The following USP6NL variants were observed in gnomAD, a reference collection of about 807,000 sequenced individuals.
The protein encoded by USP6NL is USP6 N-terminal-like protein.
A neutral mutation model predicts 61.9 loss-of-function variants in USP6NL; 26 were observed. The ratio of observed to expected loss-of-function variants is 0.42; its 90% CI spans 0.31 to 0.58. The LOEUF is 0.58. USP6NL is among the 20% of genes least tolerant of loss of function. The pLI, the probability that USP6NL is intolerant of heterozygous loss-of-function variation, is 0.16. For missense variants in USP6NL, 1,114 were observed against 1,034.3 expected (o/e 1.08, Z -1.06); for synonymous variants, 432 against 390.1 (o/e 1.11, Z -1.27).
rs1223743610 is a variant in USP6NL, at chr10:11,496,887, A to C, written c.385-3659T>G. On this transcript the variant is annotated intron_variant, in intron 7 of 14. Transcript: ENST00000609104. The surrounding 1 kb of genome is among the most constrained non-coding windows in gnomAD (Gnocchi z 5.4). The stretch of plus-strand genomic sequence containing the variant: ...ATTTTTGTGTATTGAAGGTCAGAGA[A>C]GGGGCTTCTGCAGCTTTTTAAAACA... Among the ~76,000 whole-genome samples the C allele has an allele frequency of 6.6e-6, 1 of 152,126 alleles. No homozygotes were observed. The highest frequency in any genetic ancestry group is 1.5e-5 in the Non-Finnish European group (1 of 68,022).
Position 11,537,095 on chromosome 10 carries a change from C to G in USP6NL, c.5-9528G>C, listed in dbSNP as rs140940628. 2.5e-3 allele frequency among the ~76,000 whole-genome samples: 382 copies of G among 151,618 alleles called. 2 individuals carry two copies. The highest frequency in any genetic ancestry group is 8.3e-3 in the African/African-American group (345 of 41,526). ...GTTCCATACATATCTTCATATTCCT[C>G]CAGGTTTTGTTTTTGGGGGATTTTG... is the stretch of plus-strand genomic sequence containing the variant. On this transcript the variant is annotated intron_variant, in intron 2 of 14. Transcript: ENST00000609104. The surrounding 1 kb of genome is among the most constrained non-coding windows in gnomAD (Gnocchi z 5.1).
chr10:11,554,286 G>A (rs905954593), intron 2 of USP6NL, among the ~76,000 whole-genome samples: 4 of 152,148 alleles, frequency 2.6e-5, no homozygotes, highest in Admixed American at 2.6e-4. Flanking sequence ...AAAGCATGAG[G>A]GGCCAAGATC....
At chr10:11,492,870 C>T (rs7916580) in intron 8 of USP6NL, among the ~76,000 whole-genome samples, 82,503 of 151,950 alleles carry the variant, frequency 0.54, 22,951 homozygotes, top group East Asian at 0.88. Context: ...GTATCTACTA[C>T]ATTTCTAAGA....
Position 11,463,698 on chromosome 10 carries a change from C to A in USP6NL, c.1230G>T (p.Arg410Ser). 1 of 1,612,982 alleles carries A rather than the reference C, an allele frequency of 6.2e-7. No individual in the cohort carries two copies. The highest frequency in any genetic ancestry group is 8.5e-7 in the Non-Finnish European group (1 of 1,179,378). ...SGRRESGAPH[R>S]RHEHSPHPQS... ...GGGGGTGCGGGGAGTGCTCGTGCCTCCTGTGGGGCGCCCCGCTCTCCCTCC... is the reference window on the plus strand; with the variant it reads ...GGGGGTGCGGGGAGTGCTCGTGCCTACTGTGGGGCGCCCCGCTCTCCCTCC... Residue 410 changes from arginine (R) to serine (S), a missense_variant, in exon 15 of 15, where the codon AGG becomes AGT. Transcript: ENST00000609104. The surrounding 1 kb of genome is among the most constrained non-coding windows in gnomAD (Gnocchi z 6.3).
chr10:11,462,355 T>G lies in USP6NL; in HGVS notation c.*86A>C, dbSNP rs2096217771. On this transcript the variant is annotated 3_prime_UTR_variant, in exon 15 of 15. Coordinates refer to ENST00000609104, the MANE Select transcript of USP6NL (RefSeq NM_014688.5). ...GAGATGTGCGAGTTGTTTACAATAG[T>G]ATAAATACTGCTTTGGCAATTATGA... 6.9e-7 allele frequency: 1 copy of G among 1,441,186 alleles called. No individual in the cohort carries two copies. Among genetic ancestry groups the G allele is most frequent in the Admixed American group, 2.4e-5 (1 of 41,946 alleles). The allele number at this position is 1,441,186 out of a possible 1,614,324, so 89.3% of individuals were successfully genotyped here.
At chr10:11,601,168 T>G (rs1244591284) in intron 1 of USP6NL, among the ~76,000 whole-genome samples, 2 of 152,082 alleles carry the variant, frequency 1.3e-5, no homozygotes, top group East Asian at 3.8e-4. Context: ...TATGAAGCAG[T>G]GAAATGAATG....
chr10:11,563,871 G>A (rs563136246), intron 2 of USP6NL: 1 of 152,290 alleles, frequency 6.6e-6, no homozygotes, highest in African/African-American at 2.4e-5. Context: ...TCAGGAAGCT[G>A]AGATTGTCAA....
At chr10:11,568,607 A>G (rs1837252157) in intron 2 of USP6NL, among the ~76,000 whole-genome samples, 1 of 152,226 alleles carries the variant, frequency 6.6e-6, no homozygotes, top group South Asian at 2.1e-4. Flanking sequence ...TCACATTAGA[A>G]ACCATACTAG....
At chr10:11,500,723 G>A (rs528377306) in intron 7 of USP6NL, among the ~76,000 whole-genome samples, 3 of 151,962 alleles carry the variant, frequency 2.0e-5, no homozygotes, top group Non-Finnish European at 2.9e-5. Context: ...TGTTTCCCAC[G>A]AACTCTCAAA....
At position 11,482,925 on chromosome 10, in the gene USP6NL, C is replaced by T. The variant is rs1458853203; in HGVS notation, c.926-1003G>A. Among the ~76,000 whole-genome samples, 1 of 152,144 alleles carries T rather than the reference C, an allele frequency of 6.6e-6. No individual in the cohort carries two copies. The highest frequency in any genetic ancestry group is 2.4e-5 in the African/African-American group (1 of 41,416). ...GACAATGTTTTGATATATGTATACA[C>T]TGTGGAATGACTAAGTCAAGCTAAT... On this transcript the variant is annotated intron_variant, in intron 13 of 14. Coordinates refer to ENST00000609104, the MANE Select transcript of USP6NL (RefSeq NM_014688.5). The surrounding 1 kb of genome is among the most constrained non-coding windows in gnomAD (Gnocchi z 4.0).
chr10:11,468,857 T>C lies in USP6NL; in HGVS notation c.1079-5008A>G, dbSNP rs1027533486. 1.3e-5 allele frequency among the ~76,000 whole-genome samples: 2 copies of C among 151,962 alleles called. No individual in the cohort carries two copies. The highest frequency in any genetic ancestry group is 1.5e-5 in the Non-Finnish European group (1 of 67,970). On this transcript the variant is annotated intron_variant, in intron 14 of 14. Transcript: ENST00000609104. This position sits in a 1 kb window ranked among gnomAD's most constrained non-coding sequence, Gnocchi z 4.5. The stretch of plus-strand genomic sequence containing the variant: ...TTTCTTAGGAGAAAGAAAAAACCAA[T>C]TGAGAAGTAATGGAAGGACTGAGGT...
At chr10:11,580,114 AAT>A (rs1837698932) in intron 2 of USP6NL, among the ~76,000 whole-genome samples, 2 of 147,456 alleles carry the variant, frequency 1.4e-5, no homozygotes, top group African/African-American at 5.0e-5. Context: ...CCCAAAAGTC[AAT>A]AGTGATGAGT....
chr10:11,595,841 A>G lies in USP6NL; in HGVS notation c.4+1790T>C, dbSNP rs1397180200. Among the ~76,000 whole-genome samples the G allele has an allele frequency of 6.6e-6, 1 of 152,246 alleles. No individual in the cohort carries two copies. The highest frequency in any genetic ancestry group is 1.5e-5 in the Non-Finnish European group (1 of 68,046). Reference sequence around the variant, plus strand: ...GATCCACAAAGAGATAAAATAACAGAACCAATTGTTTTAAGTGGACATGAA... The same window carrying G: ...GATCCACAAAGAGATAAAATAACAGGACCAATTGTTTTAAGTGGACATGAA... On this transcript the variant is annotated intron_variant, in intron 2 of 14. Coordinates refer to ENST00000609104, the MANE Select transcript of USP6NL (RefSeq NM_014688.5). This position sits in a 1 kb window ranked among gnomAD's most constrained non-coding sequence, Gnocchi z 5.3.
At position 11,465,189 on chromosome 10, in the gene USP6NL, T is replaced by C. The variant is rs1357857463; in HGVS notation, c.1079-1340A>G. Among the ~76,000 whole-genome samples, 1 of 152,234 alleles carries C rather than the reference T, an allele frequency of 6.6e-6. No individual in the cohort carries two copies. Among genetic ancestry groups the C allele is most frequent in the African/African-American group, 2.4e-5 (1 of 41,460 alleles). ...ATAAACTTTCCTTTAGTCCTCACTG[T>C]CTGACAGTTTTCTAAGGGCAGAACC... is the stretch of plus-strand genomic sequence containing the variant. On this transcript the variant is annotated intron_variant, in intron 14 of 14. Coordinates refer to ENST00000609104, the MANE Select transcript of USP6NL (RefSeq NM_014688.5). The surrounding 1 kb of genome is among the most constrained non-coding windows in gnomAD (Gnocchi z 4.5).
At chr10:11,535,346 A>G (rs1484755338) in intron 2 of USP6NL, among the ~76,000 whole-genome samples, 1 of 152,168 alleles carries the variant, frequency 6.6e-6, no homozygotes, top group African/African-American at 2.4e-5. Context: ...AATTTATTCA[A>G]CCAGCCCTTC....
At position 11,496,328 on chromosome 10, in the gene USP6NL, T is replaced by TA. The variant is rs1284939518; in HGVS notation, c.385-3101dup. Reference sequence around the variant, plus strand: ...CCTGCAGTTGGCAATTACCAAGCCTTACGGAGATTCTGAGCTACTAATCAG... The same window carrying TA: ...CCTGCAGTTGGCAATTACCAAGCCTTAACGGAGATTCTGAGCTACTAATCAG... On this transcript the variant is annotated intron_variant, in intron 7 of 14. Coordinates refer to ENST00000609104, the MANE Select transcript of USP6NL (RefSeq NM_014688.5). The surrounding 1 kb of genome is among the most constrained non-coding windows in gnomAD (Gnocchi z 5.4). Among the ~76,000 whole-genome samples, 1 of 152,222 alleles carries TA rather than the reference T, an allele frequency of 6.6e-6. No individual in the cohort carries two copies. The highest frequency in any genetic ancestry group is 1.5e-5 in the Non-Finnish European group (1 of 68,026).
intron 2 of USP6NL, among the ~76,000 whole-genome samples, chr10:11,554,554 T>C (rs575618974): frequency 6.6e-6 from 1 of 152,304 alleles, no homozygotes; most frequent in South Asian, 2.1e-4. Flanking sequence ...CTAGGATCAA[T>C]GGAGAACCAG....
chr10:11,465,386 T>C lies in USP6NL; in HGVS notation c.1079-1537A>G, dbSNP rs1483444077. On this transcript the variant is annotated intron_variant, in intron 14 of 14. Coordinates refer to ENST00000609104, the MANE Select transcript of USP6NL (RefSeq NM_014688.5). The surrounding 1 kb of genome is among the most constrained non-coding windows in gnomAD (Gnocchi z 4.5). ...AGAGTGGTGAATGCATGCCTGAAGA[T>C]GCACTGTCACAGGGGCAAAACTGGA... 6.6e-6 allele frequency among the ~76,000 whole-genome samples: 1 copy of C among 152,210 alleles called. No individual in the cohort carries two copies. Among genetic ancestry groups the C allele is most frequent in the Non-Finnish European group, 1.5e-5 (1 of 68,032 alleles).
chr10:11,490,712 TAAAG>T lies in USP6NL; in HGVS notation c.543+116_543+119del. 1 of 978,972 alleles carries T rather than the reference TAAAG, an allele frequency of 1.0e-6. No homozygotes were observed. Among genetic ancestry groups the T allele is most frequent in the Non-Finnish European group, 1.5e-6 (1 of 656,864 alleles). 60.6% of individuals were successfully genotyped at this position (978,972 alleles called of 1,614,324 possible). ...TTCAGCTTAAAAAGATCCACAGAGC[TAAAG>T]AGACCATGGAGACCACCTAGCTCTG... On this transcript the variant is annotated intron_variant, in intron 9 of 14. Coordinates refer to ENST00000609104, the MANE Select transcript of USP6NL (RefSeq NM_014688.5). This position sits in a 1 kb window ranked among gnomAD's most constrained non-coding sequence, Gnocchi z 4.5.
Sources: allele counts gnomAD v4.1 joint callset (sites outside exome capture counted in the v4.1 genomes callset), GRCh38; gene constraint gnomAD v4.1.1; non-coding constraint Gnocchi (gnomAD v3.1); transcripts MANE v1.5; gene names NCBI Gene and HGNC (gene_info 2026-07-23, HGNC 2026-07-21).